Variants in PHACTR2 observed in about 807,000 individuals in gnomAD.
The protein encoded by PHACTR2 is phosphatase and actin regulator 2.
A neutral mutation model predicts 76.0 loss-of-function variants in PHACTR2; 30 were observed. The observed-to-expected ratio is 0.39, with a 90% CI of 0.30 to 0.54. The LOEUF is 0.54. Ranked by LOEUF, PHACTR2 falls within the 20% of genes least tolerant of loss-of-function variation. The pLI is 0.61. For synonymous variants in PHACTR2, 292 were observed against 292.5 expected, an observed-to-expected ratio of 1.00 and a Z score of 0.02; for missense variants, 696 against 781.1, an observed-to-expected ratio of 0.89 and a Z score of 1.30.
In PHACTR2 at chr6:143,595,199, A is replaced by G. The variant is rs182915067; in HGVS notation, c.217+57992A>G. On this transcript the variant is annotated intron_variant, in intron 1 of 11. Coordinates refer to the PHACTR2 transcript ENST00000367584. This position sits in a 1 kb window ranked among gnomAD's most constrained non-coding sequence, Gnocchi z 4.2. ...ATGATGTTGCTTATTAAAAAGTTCA[A>G]TTAGAGGATGGGCACTAAAATATAT... is the stretch of plus-strand genomic sequence containing the variant. Among the ~76,000 whole-genome samples the G allele has an allele frequency of 5.3e-5, 8 of 152,358 alleles. No homozygotes were observed. The East Asian group carries it at 9.6e-4, about 18-fold the overall frequency.
rs1345064613 is a variant in PHACTR2, at chr6:143,648,666, T to A, written c.13+40344T>A. Among the ~76,000 whole-genome samples, 3 of 152,146 alleles carry A rather than the reference T, an allele frequency of 2.0e-5. No homozygotes were observed. The highest frequency in any genetic ancestry group is 7.2e-5 in the African/African-American group (3 of 41,412). On this transcript the variant is annotated intron_variant, in intron 1 of 11. Coordinates refer to the PHACTR2 transcript ENST00000305766. This position sits in a 1 kb window ranked among gnomAD's most constrained non-coding sequence, Gnocchi z 6.7. ...AAGCACTGATACTGTAAATGTGGCATGCTAGCATAGGGGAAAGTGTAATTC... is the reference window on the plus strand; with the variant it reads ...AAGCACTGATACTGTAAATGTGGCAAGCTAGCATAGGGGAAAGTGTAATTC...
intron 1 of PHACTR2, among the ~76,000 whole-genome samples, chr6:143,628,924 GATATATATATATATATATATATAT>G (rs71024862): frequency 0.043 from 1,451 of 34,026 alleles, 62 homozygotes; most frequent in African/African-American, 0.11. Flanking sequence ...AAATGCAGGA[GATATATATATATATATATATATAT>G]ATATATATAT....
intron 1 of PHACTR2, among the ~76,000 whole-genome samples, chr6:143,704,646 T>C (rs1287195387): frequency 6.6e-6 from 1 of 152,206 alleles, no homozygotes; most frequent in African/African-American, 2.4e-5. Flanking sequence ...ACACTGATAC[T>C]ATTCCTGTTA....
intron 2 of PHACTR2, among the ~76,000 whole-genome samples, chr6:143,714,433 A>G (rs1406340729): frequency 6.6e-6 from 1 of 152,218 alleles, no homozygotes; most frequent in Non-Finnish European, 1.5e-5. Context: ...TTATTAATGC[A>G]TTGTAATAGC....
In PHACTR2 at chr6:143,571,824, A is replaced by G. The variant is rs1562239766; in HGVS notation, c.217+34617A>G. Among the ~76,000 whole-genome samples the G allele has an allele frequency of 6.6e-6, 1 of 152,100 alleles. No homozygotes were observed. The highest frequency in any genetic ancestry group is 2.4e-5 in the African/African-American group (1 of 41,408). On this transcript the variant is annotated intron_variant, in intron 1 of 11. Transcript: ENST00000367584. This position sits in a 1 kb window ranked among gnomAD's most constrained non-coding sequence, Gnocchi z 4.6. Reference sequence around the variant, plus strand: ...TGCTTTAGAATCAGTCTTTTCTCCTATGAGCCCTGCTTTCAGTATTATTTT... The same window carrying G: ...TGCTTTAGAATCAGTCTTTTCTCCTGTGAGCCCTGCTTTCAGTATTATTTT...
chr6:143,657,233 C>T (rs555163028), intron 1 of PHACTR2, among the ~76,000 whole-genome samples: 52 of 147,464 alleles, frequency 3.5e-4, no homozygotes, highest in African/African-American at 1.2e-3. Context: ...ACATGTATCC[C>T]AGAATTTAAG....
chr6:143,725,367 A>AT (rs1238372309), intron 2 of PHACTR2, among the ~76,000 whole-genome samples: 2 of 150,038 alleles, frequency 1.3e-5, no homozygotes, highest in Non-Finnish European at 3.0e-5. Flanking sequence ...TACCCGGCTA[A>AT]TTTTTTGTAT....
At chr6:143,714,547 A>T (rs552231511) in intron 2 of PHACTR2, among the ~76,000 whole-genome samples, 3 of 152,220 alleles carry the variant, frequency 2.0e-5, no homozygotes, top group Non-Finnish European at 4.4e-5. Context: ...CGTCTAAAGG[A>T]CATCTTGCCC....
Position 143,562,308 on chromosome 6 carries a change from C to T in PHACTR2, c.217+25101C>T, listed in dbSNP as rs372858336. Among the ~76,000 whole-genome samples, 4 of 152,238 alleles carry T rather than the reference C, an allele frequency of 2.6e-5. No individual in the cohort carries two copies. The highest frequency in any genetic ancestry group is 4.1e-4 in the South Asian group (2 of 4,822). ...CGGTGCTGGCATCTGCTTGGCCTCCCCAGGCCTCAGGAAGTTTACAATGAG... is the reference window on the plus strand; with the variant it reads ...CGGTGCTGGCATCTGCTTGGCCTCCTCAGGCCTCAGGAAGTTTACAATGAG... On this transcript the variant is annotated intron_variant, in intron 1 of 11. Coordinates refer to the PHACTR2 transcript ENST00000367584. This position sits in a 1 kb window ranked among gnomAD's most constrained non-coding sequence, Gnocchi z 5.1.
At chr6:143,713,339 G>T (rs1034741870) in intron 2 of PHACTR2, among the ~76,000 whole-genome samples, 4 of 152,130 alleles carry the variant, frequency 2.6e-5, no homozygotes, top group Non-Finnish European at 5.9e-5. Context: ...GTGTGAGGTA[G>T]GTAAGATTAT....
chr6:143,580,777 G>C lies in PHACTR2; in HGVS notation c.217+43570G>C, dbSNP rs1775563372. Reference sequence around the variant, plus strand: ...AAGGAACGTGAAGATAAATGTCTCTGAAGACAAGAAGGTGAGATAATTAAG... The same window carrying C: ...AAGGAACGTGAAGATAAATGTCTCTCAAGACAAGAAGGTGAGATAATTAAG... On this transcript the variant is annotated intron_variant, in intron 1 of 11. Coordinates refer to the PHACTR2 transcript ENST00000367584. The surrounding 1 kb of genome is among the most constrained non-coding windows in gnomAD (Gnocchi z 4.2). 6.6e-6 allele frequency among the ~76,000 whole-genome samples: 1 copy of C among 152,230 alleles called. No individual in the cohort carries two copies. The highest frequency in any genetic ancestry group is 1.5e-5 in the Non-Finnish European group (1 of 68,044).
chr6:143,740,576 C>T (rs1778920001), intron 2 of PHACTR2, among the ~76,000 whole-genome samples: 1 of 147,314 alleles, frequency 6.8e-6, no homozygotes, highest in Non-Finnish European at 1.5e-5. Context: ...ATACACGAGA[C>T]ACTAATAAAA....
chr6:143,771,739 A>G (rs1385479568), intron 6 of PHACTR2, among the ~76,000 whole-genome samples: 1 of 152,118 alleles, frequency 6.6e-6, no homozygotes, highest in Non-Finnish European at 1.5e-5. Flanking sequence ...ACCCAGCCAT[A>G]TATTAATGAA....
chr6:143,786,846 C>A (rs1307636216), intron 10 of PHACTR2, among the ~76,000 whole-genome samples: 1 of 152,160 alleles, frequency 6.6e-6, no homozygotes, highest in Non-Finnish European at 1.5e-5. Flanking sequence ...CCTCCCACAA[C>A]ATGTGGGAAT....
rs994796073 is a variant in PHACTR2, at chr6:143,639,956, T to C, written c.13+31634T>C. ...GCAAGGAATAACAACTTGTTATTAA[T>C]AGAGTCATGTGCTACATAATGATGT... On this transcript the variant is annotated intron_variant, in intron 1 of 11. Transcript: ENST00000305766. The surrounding 1 kb of genome is among the most constrained non-coding windows in gnomAD (Gnocchi z 5.0). Among the ~76,000 whole-genome samples, 7 of 152,212 alleles carry C rather than the reference T, an allele frequency of 4.6e-5. No individual in the cohort carries two copies. The highest frequency in any genetic ancestry group is 1.7e-4 in the African/African-American group (7 of 41,456).
At chr6:143,579,123 T>C (rs1048560845) in intron 1 of PHACTR2, among the ~76,000 whole-genome samples, 6 of 152,248 alleles carry the variant, frequency 3.9e-5, no homozygotes, top group African/African-American at 1.2e-4. Context: ...AGGACGGTCT[T>C]GAACTCCTGG....
At chr6:143,586,248 C>T (rs1336119883) in intron 1 of PHACTR2, among the ~76,000 whole-genome samples, 1 of 152,150 alleles carries the variant, frequency 6.6e-6, no homozygotes, top group African/African-American at 2.4e-5. Flanking sequence ...AACTAATAGT[C>T]CTGCTGTACA....
intron 12 of PHACTR2, among the ~76,000 whole-genome samples, chr6:143,810,913 A>G (rs1776161246): frequency 6.6e-6 from 1 of 151,892 alleles, no homozygotes; most frequent in Non-Finnish European, 1.5e-5. Flanking sequence ...CTTAGATATC[A>G]TGGATATCAG....
At chr6:143,693,163 T>C (rs1490318939) in intron 1 of PHACTR2, among the ~76,000 whole-genome samples, 1 of 152,252 alleles carries the variant, frequency 6.6e-6, no homozygotes, top group African/African-American at 2.4e-5. Flanking sequence ...GTTGAGGTAC[T>C]GGGAGTTAAG....
Sources: allele counts gnomAD v4.1 joint callset (sites outside exome capture counted in the v4.1 genomes callset), GRCh38; gene constraint gnomAD v4.1.1; non-coding constraint Gnocchi (gnomAD v3.1); transcripts MANE v1.5; gene names NCBI Gene and HGNC (gene_info 2026-07-23, HGNC 2026-07-21).